LRRC7: variants seen among roughly 807,000 people sequenced by gnomAD.
LRRC7 encodes the protein leucine rich repeat containing 7.
Under a neutral mutation model 175.7 loss-of-function variants are expected in LRRC7, and 23 were observed. The observed-to-expected ratio is 0.13, with a 90% confidence interval of 0.09 to 0.19. The LOEUF is 0.19. Ranked by LOEUF, LRRC7 falls within the 10% of genes least tolerant of loss-of-function variation. The pLI, the probability that LRRC7 is intolerant of heterozygous loss-of-function variation, is 1.00. For missense variants in LRRC7, 1,354 were observed against 1,904.7 expected (o/e 0.71, Z 5.38); for synonymous variants, 685 against 680.9 (o/e 1.01, Z -0.09).
At chr1:69,789,315 A>G (rs1438372737) in intron 3 of LRRC7, among the ~76,000 whole-genome samples, 1 of 152,134 alleles carries the variant, frequency 6.6e-6, no homozygotes, top group East Asian at 1.9e-4. Context: ...AAATGAAGAC[A>G]GGATAACCAT....
chr1:69,748,800 G>A (rs1443454111), intron 2 of LRRC7, among the ~76,000 whole-genome samples: 3 of 152,106 alleles, frequency 2.0e-5, no homozygotes, highest in African/African-American at 7.2e-5. Flanking sequence ...CAATAAAATA[G>A]CCTCTATCTG....
chr1:69,573,657 T>G (rs1028331559), intron 1 of LRRC7, among the ~76,000 whole-genome samples: 2 of 152,170 alleles, frequency 1.3e-5, no homozygotes, highest in Admixed American at 1.3e-4. Flanking sequence ...AAATTATTAT[T>G]CATAATAGAA....
chr1:69,909,372 T>C (rs1449726342), intron 7 of LRRC7, among the ~76,000 whole-genome samples: 3 of 152,216 alleles, frequency 2.0e-5, no homozygotes, highest in Non-Finnish European at 2.9e-5. Context: ...GCCTTGATGG[T>C]CTTTACATTT....
At chr1:69,627,584 T>C (rs1412442928) in intron 1 of LRRC7, among the ~76,000 whole-genome samples, 1 of 152,186 alleles carries the variant, frequency 6.6e-6, no homozygotes, top group African/African-American at 2.4e-5. Flanking sequence ...TTTAATTAGA[T>C]CCCATTTGTT....
intron 1 of LRRC7, among the ~76,000 whole-genome samples, chr1:69,569,273 G>C (rs947829453): frequency 3.9e-5 from 6 of 152,078 alleles, no homozygotes; most frequent in African/African-American, 1.4e-4. Flanking sequence ...AAAGAAGTGG[G>C]GGAGCGTGTT....
chr1:69,816,828 C>G (rs976743378), intron 4 of LRRC7, among the ~76,000 whole-genome samples: 1 of 152,072 alleles, frequency 6.6e-6, no homozygotes, highest in African/African-American at 2.4e-5. Flanking sequence ...CACCTGGTAA[C>G]AACTATTCTA....
At chr1:69,890,335 G>A (rs1645797484) in intron 7 of LRRC7, among the ~76,000 whole-genome samples, 1 of 152,198 alleles carries the variant, frequency 6.6e-6, no homozygotes. Flanking sequence ...GCTTTTGGGT[G>A]ACTAGGTGCA....
intron 8 of LRRC7, among the ~76,000 whole-genome samples, chr1:69,950,159 T>C (rs1649769968): frequency 6.6e-6 from 1 of 152,026 alleles, no homozygotes; most frequent in Non-Finnish European, 1.5e-5. Context: ...ATTTTGCCAT[T>C]CAGAAATCCA....
intron 7 of LRRC7, among the ~76,000 whole-genome samples, chr1:69,853,582 G>T (rs1357830226): frequency 6.6e-6 from 1 of 151,752 alleles, no homozygotes; most frequent in Non-Finnish European, 1.5e-5. Flanking sequence ...CTGCCCATTT[G>T]TTCCTCTTAA....
chr1:69,711,857 G>C (rs1216875880), intron 2 of LRRC7, among the ~76,000 whole-genome samples: 1 of 152,102 alleles, frequency 6.6e-6, no homozygotes. Flanking sequence ...GTAGCATGTC[G>C]GAGGCAGGTC....
chr1:69,572,594 A>T (rs1295775132), intron 1 of LRRC7, among the ~76,000 whole-genome samples: 2 of 152,162 alleles, frequency 1.3e-5, no homozygotes, highest in Non-Finnish European at 2.9e-5. Context: ...ATCATTAGAA[A>T]TAATTACATT....
rs1243694792 is a variant in LRRC7, at chr1:70,129,957, C to T, written c.*8070C>T. Among the ~76,000 whole-genome samples the T allele has an allele frequency of 6.6e-6, 1 of 152,168 alleles. No homozygotes were observed. The highest frequency in any genetic ancestry group is 1.5e-5 in the Non-Finnish European group (1 of 68,038). On this transcript the variant is annotated 3_prime_UTR_variant, in exon 27 of 27. Coordinates refer to ENST00000651989, the MANE Select transcript of LRRC7 (RefSeq NM_001370785.2). ...ATTTCAGCTTTTGCCCACACTATCCCTCTACTGGAATGCCTTCCTCTCCCT... is the reference window on the plus strand; with the variant it reads ...ATTTCAGCTTTTGCCCACACTATCCTTCTACTGGAATGCCTTCCTCTCCCT...
chr1:70,001,903 T>A (rs1170320259), intron 11 of LRRC7, among the ~76,000 whole-genome samples: 1 of 152,188 alleles, frequency 6.6e-6, no homozygotes, highest in Non-Finnish European at 1.5e-5. Context: ...TTAGCATTAT[T>A]TGATATGTAT....
At position 69,919,405 on chromosome 1, in the gene LRRC7, C is replaced by T. The variant is rs1282932564; in HGVS notation, c.648-12102C>T. The T allele has an allele frequency of 2.3e-5, 16 of 703,416 alleles. No individual in the cohort carries two copies. The East Asian group carries it at 3.7e-4, about 16-fold the overall frequency. 43.6% of individuals were successfully genotyped at this position (703,416 alleles called of 1,614,324 possible). ...GCCTGGCTGGGAAAAGCGCATGAGC[C>T]GCCCCTCAGGCCGAGGGTACTACTT... On this transcript the variant is annotated intron_variant, in intron 7 of 26. Transcript: ENST00000651989.
At chr1:69,729,535 A>G (rs1201112558) in intron 2 of LRRC7, among the ~76,000 whole-genome samples, 1 of 152,198 alleles carries the variant, frequency 6.6e-6, no homozygotes, top group Non-Finnish European at 1.5e-5. Context: ...CAAATCTTAA[A>G]GCTTCAAAAT....
chr1:69,681,550 G>T (rs2100615797), intron 2 of LRRC7, among the ~76,000 whole-genome samples: 1 of 152,124 alleles, frequency 6.6e-6, no homozygotes, highest in South Asian at 2.1e-4. Context: ...GCTGCATCCG[G>T]CATAGTCAAA....
rs1679832796 is a variant in LRRC7, at chr1:69,825,730, G to T, written c.422-18G>T. ...TTGTTGGAACATTTTCATGTACTTT[G>T]TTTTTTTCACATTTTAGGTGTACAA... is the stretch of plus-strand genomic sequence containing the variant. On this transcript the variant is annotated intron_variant, in intron 4 of 26. Transcript: ENST00000651989. 5 of 1,512,826 alleles carry T rather than the reference G, an allele frequency of 3.3e-6. No individual in the cohort carries two copies. The highest frequency in any genetic ancestry group is 4.5e-6 in the Non-Finnish European group (5 of 1,101,042). The allele number at this position is 1,512,826 out of a possible 1,614,324, so 93.7% of individuals were successfully genotyped here. A position where few individuals can be genotyped will look rare whatever the true frequency, so the allele number is the denominator to read the frequency against.
rs182174171 is a variant in LRRC7 at position 69,571,758 on chromosome 1, C to T, written c.2+3117C>T. Among the ~76,000 whole-genome samples the T allele has an allele frequency of 1.1e-4, 16 of 152,160 alleles. No individual in the cohort carries two copies. In the East Asian group the frequency reaches 2.1e-3, roughly 20 times the overall value. ...ATATAAGAAGGAATCACACATTCCA[C>T]GAGATTATAACTTCATTGCTTACTC... is the stretch of plus-strand genomic sequence containing the variant. On this transcript the variant is annotated intron_variant, in intron 1 of 26. Coordinates refer to ENST00000651989, the MANE Select transcript of LRRC7 (RefSeq NM_001370785.2).
intron 3 of LRRC7, among the ~76,000 whole-genome samples, chr1:69,765,043 A>G (rs1671477406): frequency 6.6e-6 from 1 of 152,088 alleles, no homozygotes; most frequent in Admixed American, 6.6e-5. Flanking sequence ...TCCCTGGTCC[A>G]TAAAATGTGA....
Sources: gnomAD v4.1 joint callset for allele counts (sites outside exome capture counted in the v4.1 genomes callset) on GRCh38, gnomAD v4.1.1 for gene constraint, MANE v1.5 for transcripts, NCBI Gene and HGNC (gene_info 2026-07-23, HGNC 2026-07-21) for gene names.